Variants in NUP155 observed in about 807,000 individuals in gnomAD.
The protein encoded by NUP155 is nucleoporin 155.
Under a neutral mutation model 180.4 loss-of-function variants are expected in NUP155, and 71 were observed. The observed-to-expected ratio is 0.39, with a 90% confidence interval of 0.33 to 0.48. The LOEUF is 0.48. Among genes scored for constraint, NUP155 ranks in the 20% least tolerant of loss-of-function variants. NUP155 has a pLI of 0.91. For synonymous variants in NUP155, 582 were observed against 559.5 expected (o/e 1.04, Z -0.57); for missense variants, 1,553 against 1,648.9 (o/e 0.94, Z 1.01).
intron 18 of NUP155, 129 bp from the exon 19 acceptor site, chr5:37,326,096 A>ACTAAG: frequency 1.4e-6 from 1 of 717,002 alleles, no homozygotes; most frequent in East Asian, 2.6e-5. Flanking sequence ...TTAACATTTT[A>ACTAAG]CTAAGCTATC....
chr5:37,318,052 T>C lies in NUP155; in HGVS notation c.2241A>G (p.Gly747=), dbSNP rs769087034. The C allele has an allele frequency of 1.2e-6, 2 of 1,612,528 alleles. No homozygotes were observed. Among genetic ancestry groups the C allele is most frequent in the Non-Finnish European group, 1.7e-6 (2 of 1,178,536 alleles). Residue 747 remains glycine (G), a synonymous_variant, in exon 21 of 35, where the codon GGA becomes GGG. Transcript: ENST00000231498. ...TTAKVQQRLI[G]FMRPENGNPQ... is the part of the protein sequence containing the mutation. Reference sequence around the variant, plus strand: ...GATTTCCGTTTTCAGGACGCATGAATCCTATCAGCCTCTGCTGCACTTTAG... The same window carrying C: ...GATTTCCGTTTTCAGGACGCATGAACCCTATCAGCCTCTGCTGCACTTTAG...
At chr5:37,338,035 A>G (rs954554353) in intron 11 of NUP155, 117 bp from the exon 12 acceptor site, 2 of 679,884 alleles carry the variant, frequency 2.9e-6, no homozygotes, top group African/African-American at 1.8e-5. Context: ...AAATTATAAA[A>G]CCGGGCTGGG....
At chr5:37,294,592 G>A (rs537868869) in intron 32 of NUP155, 127 bp from the exon 33 acceptor site, 21 of 927,372 alleles carry the variant, frequency 2.3e-5, no homozygotes, top group East Asian at 1.9e-4. Flanking sequence ...TTTTTGGGGC[G>A]GGGGGTTTTT....
intron 20 of NUP155, among the ~76,000 whole-genome samples, chr5:37,320,645 A>T (rs1744187402): frequency 6.6e-6 from 1 of 152,238 alleles, no homozygotes; most frequent in Admixed American, 6.5e-5. Context: ...ATCCTGCTAA[A>T]AACTGTAAAG....
Position 37,302,804 on chromosome 5 carries a change from A to G in NUP155, c.3422T>C (p.Leu1141Pro), listed in dbSNP as rs1403792212. Reference protein sequence around the residue: ...ISSIAADGEFLHELEEKMEVA... With the variant: ...ISSIAADGEFPHELEEKMEVA... ...CTCCATTTTTTCTTCTAATTCATGA[A>G]GAAATTCACCATCGGCAGCTATTGA... Residue 1141 changes from leucine (L) to proline (P), a missense_variant, in exon 29 of 35, where the codon CTT becomes CCT. Leu to Pro is a moderately conservative substitution (Grantham distance 98). Coordinates refer to ENST00000231498, the MANE Select transcript of NUP155 (RefSeq NM_153485.3). 6.2e-7 allele frequency: 1 copy of G among 1,614,154 alleles called. No individual in the cohort carries two copies. The highest frequency in any genetic ancestry group is 1.7e-5 in the Admixed American group (1 of 60,028).
intron 1 of NUP155, among the ~76,000 whole-genome samples, chr5:37,368,738 T>C (rs1309568165): frequency 6.6e-6 from 1 of 152,020 alleles, no homozygotes; most frequent in African/African-American, 2.4e-5. Context: ...CGCTTGAACC[T>C]GGGAGGTGGA....
chr5:37,323,398 G>A (rs1242864593), intron 20 of NUP155, among the ~76,000 whole-genome samples: 1 of 152,006 alleles, frequency 6.6e-6, no homozygotes, highest in Non-Finnish European at 1.5e-5. Context: ...AATGAGACAA[G>A]TAGTAATACA....
Position 37,291,165 on chromosome 5 carries a change from GAA to G in NUP155, c.*733_*734del, listed in dbSNP as rs1742215460. 1 of 152,152 alleles carries G rather than the reference GAA, an allele frequency of 6.6e-6. No individual in the cohort carries two copies. The highest frequency in any genetic ancestry group is 1.5e-5 in the Non-Finnish European group (1 of 68,030). 9.4% of individuals were successfully genotyped at this position (152,152 alleles called of 1,614,324 possible). A position where few individuals can be genotyped will look rare whatever the true frequency, so the allele number is the denominator to read the frequency against. ...GAACCCAACACCTAAAAAAAGTTTT[GAA>G]AAAGTCAGTTATTTGCCTATTTAAG... On this transcript the variant is annotated 3_prime_UTR_variant, in exon 35 of 35. Coordinates refer to ENST00000231498, the MANE Select transcript of NUP155 (RefSeq NM_153485.3).
chr5:37,370,592 T>A (rs1386002404), intron 1 of NUP155: 1 of 1,343,664 alleles, frequency 7.4e-7, no homozygotes, highest in Non-Finnish European at 9.8e-7. Flanking sequence ...CTCTTTCTGC[T>A]TCAACTGGGA....
At chr5:37,362,112 T>C (rs1346658902) in intron 3 of NUP155, among the ~76,000 whole-genome samples, 1 of 152,156 alleles carries the variant, frequency 6.6e-6, no homozygotes, top group African/African-American at 2.4e-5. Context: ...TATTCTGTTT[T>C]AGCAGCTCGG....
Position 37,333,633 on chromosome 5 carries a change from T to G in NUP155, c.1348A>C (p.Met450Leu). The stretch of plus-strand genomic sequence containing the variant: ...GAATGACCATCAACACCAGCTGTCA[T>G]CTATGTAAAAGAAATAAATGTTTTA... ...PFQKPMMETQ[M>L]TAGVDGHSWA... The change falls in exon 13 of 35, where the codon ATG becomes CTG. Residue 450 changes from methionine to leucine, a missense_variant and splice_region_variant. Transcript: ENST00000231498. 6.2e-7 allele frequency: 1 copy of G among 1,612,148 alleles called. No homozygotes were observed. Among genetic ancestry groups the G allele is most frequent in the Non-Finnish European group, 8.5e-7 (1 of 1,178,662 alleles).
Position 37,308,046 on chromosome 5 carries a change from A to G in NUP155, c.2768-614T>C, listed in dbSNP as rs377083824. ...TTAGTTCCCTACTGGGGGGAAAAAAATACCTTGGGATTCAAAATAATACCT... is the reference window on the plus strand; with the variant it reads ...TTAGTTCCCTACTGGGGGGAAAAAAGTACCTTGGGATTCAAAATAATACCT... On this transcript the variant is annotated intron_variant, in intron 24 of 34. Coordinates refer to ENST00000231498, the MANE Select transcript of NUP155 (RefSeq NM_153485.3). 2.0e-5 allele frequency among the ~76,000 whole-genome samples: 3 copies of G among 152,008 alleles called. No homozygotes were observed. The East Asian group carries it at 5.8e-4, about 29-fold the overall frequency.
intron 20 of NUP155, among the ~76,000 whole-genome samples, chr5:37,320,671 A>C (rs1744189377): frequency 6.6e-6 from 1 of 152,244 alleles, no homozygotes; most frequent in Non-Finnish European, 1.5e-5. Context: ...TGAGTAATTA[A>C]GAGAAATTAG....
chr5:37,300,687 C>CA (rs146743025), intron 30 of NUP155, among the ~76,000 whole-genome samples: 1,821 of 152,136 alleles, frequency 0.012, 34 homozygotes, highest in African/African-American at 0.042. Flanking sequence ...GACAGGGTCT[C>CA]ACTCTGTCAC....
chr5:37,307,883 T>G (rs1192706911), intron 24 of NUP155, among the ~76,000 whole-genome samples: 2 of 148,352 alleles, frequency 1.3e-5, no homozygotes, highest in Non-Finnish European at 3.0e-5. Context: ...GATTGCACCA[T>G]TGCACTCCAG....
At chr5:37,367,852 C>T (rs1000010950) in intron 1 of NUP155, among the ~76,000 whole-genome samples, 16 of 152,242 alleles carry the variant, frequency 1.1e-4, no homozygotes, top group Admixed American at 6.5e-4. Context: ...GGCGCGATCT[C>T]GGCTCACTGC....
chr5:37,332,974 A>T (rs769753440), intron 13 of NUP155, among the ~76,000 whole-genome samples: 3 of 151,990 alleles, frequency 2.0e-5, no homozygotes, highest in Non-Finnish European at 4.4e-5. Context: ...TAAAATAAAT[A>T]AAATAAAATA....
rs371223329 is a variant in NUP155, at chr5:37,303,354, C to T, written c.3223G>A (p.Val1075Ile). 1.2e-6 allele frequency: 2 copies of T among 1,613,966 alleles called. No homozygotes were observed. The highest frequency in any genetic ancestry group is 8.5e-7 in the Non-Finnish European group (1 of 1,179,994). ...CGCCAGAGTAAATCCATATAACGAA[C>T]TCTGTTTTGATCAACTTTGGCCATT... is the stretch of plus-strand genomic sequence containing the variant. ...VRMAKVDQNR[V>I]RYMDLLWRYY... Residue 1075 changes from valine (V) to isoleucine (I), a missense_variant, in exon 28 of 35, where the codon GTT becomes ATT. Transcript: ENST00000231498.
rs1581185229 is a variant in NUP155 at position 37,341,315 on chromosome 5, T to G, written c.1094-73A>C. On this transcript the variant is annotated intron_variant, in intron 10 of 34. Coordinates refer to ENST00000231498, the MANE Select transcript of NUP155 (RefSeq NM_153485.3). Reference sequence around the variant, plus strand: ...GAGGTAAATGTGTTATTGAAGCAATTACATACAGCAATGCAACACTCTGCT... The same window carrying G: ...GAGGTAAATGTGTTATTGAAGCAATGACATACAGCAATGCAACACTCTGCT... 4.9e-6 allele frequency: 6 copies of G among 1,229,964 alleles called. No individual in the cohort carries two copies. In the East Asian group the frequency reaches 1.4e-4, roughly 29 times the overall value. The allele number at this position is 1,229,964 out of a possible 1,614,324, so 76.2% of individuals were successfully genotyped here.
Sources: allele counts gnomAD v4.1 joint callset (sites outside exome capture counted in the v4.1 genomes callset), GRCh38; gene constraint gnomAD v4.1.1; transcripts MANE v1.5; gene names NCBI Gene and HGNC (gene_info 2026-07-23, HGNC 2026-07-21).